The following TCAF1 variants were observed in gnomAD, a reference collection of about 807,000 sequenced individuals.
TCAF1 encodes the protein TRPM8 channel associated factor 1.
A neutral mutation model predicts 27.3 loss-of-function variants in TCAF1; 4 were observed. The observed-to-expected ratio is 0.15, with a 90% CI of 0.07 to 0.34. TCAF1 has a LOEUF of 0.34. Among genes scored for constraint, TCAF1 ranks in the 10% least tolerant of loss-of-function variants. The pLI is 1.00. For missense variants in TCAF1, 257 were observed against 425.8 expected (o/e 0.60, Z 3.49); for synonymous variants, 105 against 167.1 (o/e 0.63, Z 2.87).
intron 2 of TCAF1, 101 bp downstream of exon 2, chr7:143,875,888 C>T (rs1323736932): frequency 1.9e-6 from 2 of 1,062,362 alleles, no homozygotes; most frequent in Non-Finnish European, 2.7e-6. Context: ...TATCTGAGTG[C>T]CTGGGAGCAC....
At chr7:143,896,367 G>A (rs984891286) in intron 1 of TCAF1, among the ~76,000 whole-genome samples, 3 of 151,846 alleles carry the variant, frequency 2.0e-5, no homozygotes, top group African/African-American at 7.2e-5. Context: ...ACATTTATGA[G>A]AAATTATCAA....
At position 143,875,938 on chromosome 7, in the gene TCAF1, G is replaced by T. The variant is rs1318740473; in HGVS notation, c.620+51C>A. 3.3e-6 allele frequency: 5 copies of T among 1,493,884 alleles called. No homozygotes were observed. The African/African-American group carries it at 5.6e-5, about 17-fold the overall frequency. The allele number at this position is 1,493,884 out of a possible 1,614,324, so 92.5% of individuals were successfully genotyped here. A position where few individuals can be genotyped will look rare whatever the true frequency, so the allele number is the denominator to read the frequency against. The stretch of plus-strand genomic sequence containing the variant: ...TGGAGCAACCTGAAGATAAGAACTG[G>T]GTCTGCTTTTCAACCCTGGAGCCAA... On this transcript the variant is annotated intron_variant, in intron 2 of 8. Coordinates refer to ENST00000479870, the MANE Select transcript of TCAF1 (RefSeq NM_014719.3).
chr7:143,875,203 A>C (rs1010800850), intron 2 of TCAF1, among the ~76,000 whole-genome samples: 1 of 152,192 alleles, frequency 6.6e-6, no homozygotes, highest in African/African-American at 2.4e-5. Flanking sequence ...TGAGAGTTTT[A>C]ATATACAACA....
At chr7:143,888,266 G>A (rs1204991224) in intron 1 of TCAF1, among the ~76,000 whole-genome samples, 20 of 152,126 alleles carry the variant, frequency 1.3e-4, no homozygotes, top group Admixed American at 6.5e-5. Flanking sequence ...ACTAAAAGCA[G>A]GAAACATTGA....
chr7:143,890,683 G>A (rs892444976), intron 1 of TCAF1, among the ~76,000 whole-genome samples: 1 of 152,190 alleles, frequency 6.6e-6, no homozygotes, highest in Non-Finnish European at 1.5e-5. Context: ...ATTTTACAGT[G>A]CAGGGTTACT....
intron 1 of TCAF1, chr7:143,882,901 G>A: frequency 1.0e-6 from 1 of 981,874 alleles, no homozygotes; most frequent in Non-Finnish European, 1.2e-6. Context: ...GTTTCCACGG[G>A]AGTCCCCTCC....
chr7:143,876,846 T>C (rs1163655844), intron 1 of TCAF1, among the ~76,000 whole-genome samples: 1 of 152,154 alleles, frequency 6.6e-6, no homozygotes, highest in East Asian at 1.9e-4. Context: ...GCTTGATACT[T>C]TTCCATCACA....
chr7:143,880,923 C>T (rs1812980498), intron 1 of TCAF1, among the ~76,000 whole-genome samples: 1 of 152,184 alleles, frequency 6.6e-6, no homozygotes, highest in African/African-American at 2.4e-5. Flanking sequence ...TTTCATTTCT[C>T]TCCCTAACCC....
intron 1 of TCAF1, among the ~76,000 whole-genome samples, chr7:143,899,331 T>C (rs981700085): frequency 2.0e-5 from 3 of 152,188 alleles, no homozygotes; most frequent in Non-Finnish European, 2.9e-5. Flanking sequence ...ACTATAGTGG[T>C]TAAAAATTAT....
chr7:143,893,612 T>G (rs954020126), intron 1 of TCAF1, among the ~76,000 whole-genome samples: 1 of 151,962 alleles, frequency 6.6e-6, no homozygotes. Flanking sequence ...ATTTATTTAA[T>G]TAGAAAATTC....
chr7:143,898,970 C>T (rs1220334100), intron 1 of TCAF1, among the ~76,000 whole-genome samples: 2 of 152,130 alleles, frequency 1.3e-5, no homozygotes, highest in African/African-American at 4.8e-5. Context: ...TGCCTTTATG[C>T]CATGGAATGA....
intron 1 of TCAF1, chr7:143,882,380 C>G: frequency 3.0e-6 from 3 of 985,366 alleles, no homozygotes; most frequent in Non-Finnish European, 3.6e-6. Flanking sequence ...GCCTTCTCAT[C>G]CGACAAAGCA....
Position 143,859,914 on chromosome 7 carries a change from CGGA to C in TCAF1, c.2167+291_2167+293del, listed in dbSNP as rs1563211196. On this transcript the variant is annotated intron_variant, in intron 6 of 8. Coordinates refer to ENST00000479870, the MANE Select transcript of TCAF1 (RefSeq NM_014719.3). Reference sequence around the variant, plus strand: ...AATATATATTATATAATATATATTACGGAATATATATTATATAATATATATTAT... The same window carrying C: ...AATATATATTATATAATATATATTACATATATATTATATAATATATATTAT... 1.7e-3 allele frequency among the ~76,000 whole-genome samples: 64 copies of C among 37,058 alleles called. 4 individuals carry two copies. In the South Asian group the frequency reaches 0.019, roughly 11 times the overall value. The allele number at this position is 37,058 out of a possible 152,430, so 24.3% of individuals were successfully genotyped here.
chr7:143,889,213 T>C (rs1273856378), intron 1 of TCAF1, among the ~76,000 whole-genome samples: 1 of 152,126 alleles, frequency 6.6e-6, no homozygotes, highest in Non-Finnish European at 1.5e-5. Context: ...GATCTGAGGT[T>C]CAAATAGATA....
chr7:143,882,973 G>C (rs559554900), intron 1 of TCAF1: 1 of 695,404 alleles, frequency 1.4e-6, no homozygotes, highest in East Asian at 1.3e-4. Context: ...GGGGGACAGC[G>C]CTTCTTTGTG....
intron 1 of TCAF1, among the ~76,000 whole-genome samples, chr7:143,883,508 T>TTC (rs1277373452): frequency 2.9e-5 from 4 of 136,114 alleles, no homozygotes; most frequent in East Asian, 2.1e-4. Context: ...TTCTTTTTTT[T>TTC]TTTTTTTTTT....
rs1274501421 is a variant in TCAF1, at chr7:143,876,288, G to A, written c.321C>T (p.Gly107=). Residue 107 remains glycine (G), a synonymous_variant, in exon 2 of 9, where the codon GGC becomes GGT. Coordinates refer to ENST00000479870, the MANE Select transcript of TCAF1 (RefSeq NM_014719.3). ...GCTCAACCTTTGCATCCACTCCAGA[G>A]CCCTCGAGGATTTTGGCCAAAGGTG... ...SLAPLAKILE[G]SGVDAKVEPE... is the part of the protein sequence containing the mutation. 2.5e-6 allele frequency: 4 copies of A among 1,614,212 alleles called. No homozygotes were observed. Among genetic ancestry groups the A allele is most frequent in the Non-Finnish European group, 3.4e-6 (4 of 1,180,036 alleles).
intron 2 of TCAF1, among the ~76,000 whole-genome samples, chr7:143,875,042 C>T (rs563137441): frequency 2.4e-4 from 37 of 152,242 alleles, no homozygotes; most frequent in African/African-American, 8.4e-4. Context: ...GGTTGATCTT[C>T]CTAAAACTTC....
chr7:143,885,313 G>A, intron 1 of TCAF1: 1 of 985,562 alleles, frequency 1.0e-6, no homozygotes, highest in Non-Finnish European at 1.2e-6. Flanking sequence ...TTGCAAATTG[G>A]TAGTGAAGTG....
Sources: gnomAD v4.1 joint callset for allele counts (sites outside exome capture counted in the v4.1 genomes callset) on GRCh38, gnomAD v4.1.1 for gene constraint, MANE v1.5 for transcripts, NCBI Gene and HGNC (gene_info 2026-07-23, HGNC 2026-07-21) for gene names.